CTNNA2: variants seen among roughly 807,000 people sequenced by gnomAD.
The protein encoded by CTNNA2 is catenin alpha 2, also known as catenin alpha-2.
CTNNA2 carries 42 observed loss-of-function variants against 101.0 expected under a neutral mutation model. The ratio of observed to expected loss-of-function variants is 0.42; its 90% CI spans 0.32 to 0.54. CTNNA2 has a LOEUF of 0.54. Ranked by LOEUF, CTNNA2 falls within the 20% of genes least tolerant of loss-of-function variation. The probability of loss-of-function intolerance (pLI) is 0.14; values close to 1 mark genes in which losing one functional copy is unlikely to be tolerated. For synonymous variants in CTNNA2, 450 were observed against 456.4 expected (o/e 0.99, Z 0.18); for missense variants, 871 against 1,223.1 (o/e 0.71, Z 4.29).
chr2:80,098,893 A>G (rs971238821), intron 7 of CTNNA2, among the ~76,000 whole-genome samples: 1 of 152,076 alleles, frequency 6.6e-6, no homozygotes, highest in Non-Finnish European at 1.5e-5. Flanking sequence ...GATTTTCCAG[A>G]TGCCATCTGT....
At chr2:79,436,124 G>A (rs567540952) in intron 4 of CTNNA2, among the ~76,000 whole-genome samples, 94 of 152,098 alleles carry the variant, frequency 6.2e-4, no homozygotes, top group Non-Finnish European at 9.3e-4. Context: ...TGCAGTTAGC[G>A]TAATCTCAAG....
At chr2:79,638,264 A>AT (rs1206354889) in intron 1 of CTNNA2, among the ~76,000 whole-genome samples, 2 of 152,190 alleles carry the variant, frequency 1.3e-5, no homozygotes, top group African/African-American at 2.4e-5. Flanking sequence ...ATGTAGATTC[A>AT]TTTTTTTATA....
chr2:79,291,005 A>G (rs978246912), intron 2 of CTNNA2, among the ~76,000 whole-genome samples: 6 of 152,134 alleles, frequency 3.9e-5, no homozygotes, highest in Non-Finnish European at 1.5e-5. Flanking sequence ...ATTCACCCCT[A>G]GATGCTGCCA....
chr2:79,270,929 G>C (rs1195132599), intron 2 of CTNNA2, among the ~76,000 whole-genome samples: 1 of 151,686 alleles, frequency 6.6e-6, no homozygotes, highest in Non-Finnish European at 1.5e-5. Context: ...GTAAACTAGG[G>C]ATTTAAAAAA....
chr2:79,205,723 C>G (rs1055803459), intron 2 of CTNNA2, among the ~76,000 whole-genome samples: 1 of 152,156 alleles, frequency 6.6e-6, no homozygotes, highest in Non-Finnish European at 1.5e-5. Context: ...TCCATTGCCT[C>G]GTGAAGCTTC....
intron 7 of CTNNA2, among the ~76,000 whole-genome samples, chr2:80,212,892 C>A (rs1305283934): frequency 6.6e-6 from 1 of 152,080 alleles, no homozygotes; most frequent in East Asian, 1.9e-4. Flanking sequence ...AATTTCAGAG[C>A]CTGTTATTGG....
At chr2:79,319,112 A>G (rs946626206) in intron 3 of CTNNA2, among the ~76,000 whole-genome samples, 2 of 152,204 alleles carry the variant, frequency 1.3e-5, no homozygotes, top group African/African-American at 4.8e-5. Flanking sequence ...TGTAGAGATT[A>G]ACAAACATAC....
chr2:79,215,388 C>T (rs1390560053), intron 2 of CTNNA2, among the ~76,000 whole-genome samples: 1 of 152,116 alleles, frequency 6.6e-6, no homozygotes, highest in Non-Finnish European at 1.5e-5. Context: ...ACAGTGGAGG[C>T]AAAGAATTGC....
At chr2:80,365,063 C>T (rs1674793198) in intron 7 of CTNNA2, among the ~76,000 whole-genome samples, 1 of 152,134 alleles carries the variant, frequency 6.6e-6, no homozygotes, top group African/African-American at 2.4e-5. Context: ...TTTTTATCTA[C>T]ATACCTGCAT....
chr2:79,365,818 A>G (rs1325499508), intron 3 of CTNNA2, among the ~76,000 whole-genome samples: 1 of 152,068 alleles, frequency 6.6e-6, no homozygotes, highest in African/African-American at 2.4e-5. Flanking sequence ...CTGCCAAGAG[A>G]GCCCAGGGAA....
At chr2:80,611,501 C>G (rs1044394609) in intron 17 of CTNNA2, among the ~76,000 whole-genome samples, 2 of 151,638 alleles carry the variant, frequency 1.3e-5, no homozygotes, top group Non-Finnish European at 3.0e-5. Flanking sequence ...ATTTTGAATA[C>G]AAATATGTTC....
At chr2:79,739,686 A>G (rs995799791) in intron 2 of CTNNA2, among the ~76,000 whole-genome samples, 16 of 152,348 alleles carry the variant, frequency 1.1e-4, no homozygotes, top group South Asian at 4.1e-4. Flanking sequence ...TAAAAAGTCT[A>G]TAAGTACCAT....
chr2:80,050,372 T>TC (rs144828650), intron 7 of CTNNA2, among the ~76,000 whole-genome samples: 206 of 152,302 alleles, frequency 1.4e-3, no homozygotes, highest in African/African-American at 4.8e-3. Flanking sequence ...CTCAACAGAC[T>TC]CGGGGTCTGT....
chr2:80,520,938 C>T (rs1573114646), intron 9 of CTNNA2, among the ~76,000 whole-genome samples: 2 of 152,204 alleles, frequency 1.3e-5, no homozygotes, highest in Admixed American at 1.3e-4. Context: ...TTCAAGAGGG[C>T]TGTTTGGAGA....
intron 7 of CTNNA2, among the ~76,000 whole-genome samples, chr2:80,337,698 G>A (rs931611136): frequency 6.6e-6 from 1 of 152,152 alleles, no homozygotes; most frequent in African/African-American, 2.4e-5. Flanking sequence ...TGGGTGACTA[G>A]TGGTTCAGTA....
In CTNNA2 at chr2:79,364,871, G is replaced by T. The variant is rs1333701955; in HGVS notation, c.-317-8960G>T. On this transcript the variant is annotated intron_variant, in intron 3 of 21. Transcript: ENST00000466387. ...ATTTCTTAACTTTTATTTAAATTTTGTATATTTTTTGTTTCTTTGCTTACA... is the reference window on the plus strand; with the variant it reads ...ATTTCTTAACTTTTATTTAAATTTTTTATATTTTTTGTTTCTTTGCTTACA... 6.6e-5 allele frequency among the ~76,000 whole-genome samples: 10 copies of T among 152,220 alleles called. No individual in the cohort carries two copies. The East Asian group carries it at 1.7e-3, about 26-fold the overall frequency.
intron 4 of CTNNA2, among the ~76,000 whole-genome samples, chr2:79,426,196 G>A (rs984533279): frequency 6.6e-6 from 1 of 152,226 alleles, no homozygotes; most frequent in Admixed American, 6.5e-5. Flanking sequence ...AACTCTTTGG[G>A]TGTGTCACAA....
chr2:80,576,559 G>C (rs1168060313), intron 13 of CTNNA2: 1 of 151,868 alleles, frequency 6.6e-6, no homozygotes, highest in East Asian at 1.9e-4. Context: ...CACGAAATTT[G>C]TGAATCTTGA....
intron 8 of CTNNA2, among the ~76,000 whole-genome samples, chr2:80,416,962 A>C (rs1269739561): frequency 2.0e-5 from 3 of 151,962 alleles, no homozygotes; most frequent in Non-Finnish European, 2.9e-5. Context: ...GTCTGGTGAT[A>C]ATCTATTTTT....
Sources: gnomAD v4.1 joint callset for allele counts (sites outside exome capture counted in the v4.1 genomes callset) on GRCh38, gnomAD v4.1.1 for gene constraint, MANE v1.5 for transcripts, NCBI Gene and HGNC (gene_info 2026-07-23, HGNC 2026-07-21) for gene names.